Variants in TG observed in about 807,000 individuals in gnomAD.
TG encodes thyroid hormones.
A neutral mutation model predicts 324.7 loss-of-function variants in TG; 270 were observed. The ratio of observed to expected loss-of-function variants is 0.83; its 90% CI spans 0.75 to 0.92. The LOEUF (loss-of-function observed/expected upper bound fraction) is 0.92. TG is among the 40% of genes least tolerant of loss of function. The pLI is 0.00. For missense variants in TG, 3,591 were observed against 3,456.4 expected, an observed-to-expected ratio of 1.04 and a Z score of -0.98; for synonymous variants, 1,401 against 1,327.0, an observed-to-expected ratio of 1.06 and a Z score of -1.21.
chr8:133,102,525 C>T (rs534249604), intron 43 of TG: 33 of 1,550,904 alleles, frequency 2.1e-5, no homozygotes, highest in East Asian at 4.9e-5. Context: ...CCCAGGGGGT[C>T]CCAATGACAG....
At chr8:132,899,338 A>G (rs1022646014) in intron 14 of TG, among the ~76,000 whole-genome samples, 1 of 152,216 alleles carries the variant, frequency 6.6e-6, no homozygotes, top group Admixed American at 6.5e-5. Flanking sequence ...TGATTGTAAC[A>G]ATTCATAATT....
At chr8:133,094,242 CTTT>C (rs765931953) in intron 41 of TG, among the ~76,000 whole-genome samples, 42 of 126,534 alleles carry the variant, frequency 3.3e-4, no homozygotes, top group Admixed American at 5.6e-4. Context: ...CTGTCGTTTT[CTTT>C]TTTTTTTTTT....
chr8:132,919,913 C>T (rs1199404454), intron 21 of TG, among the ~76,000 whole-genome samples: 1 of 152,190 alleles, frequency 6.6e-6, no homozygotes, highest in African/African-American at 2.4e-5. Flanking sequence ...CTCCCAATAC[C>T]TCTTCCAATA....
intron 35 of TG, 28 bp from the exon 36 acceptor site, chr8:133,011,873 T>C: frequency 2.5e-6 from 4 of 1,614,116 alleles, no homozygotes; most frequent in Non-Finnish European, 2.5e-6. Context: ...GACAACTGCA[T>C]GTGACTGTCC....
At chr8:132,868,248 T>C in intron 2 of TG, 25 bp downstream of exon 2, 1 of 1,604,288 alleles carries the variant, frequency 6.2e-7, no homozygotes, top group Non-Finnish European at 8.5e-7. Context: ...AGCAGCGAAC[T>C]CTCAAGGTCC....
intron 35 of TG, chr8:132,983,841 G>A: frequency 3.3e-6 from 1 of 302,574 alleles, no homozygotes; most frequent in Admixed American, 4.8e-5. Flanking sequence ...CGGCCACACT[G>A]GGCAGCACTG....
chr8:133,122,356 A>G (rs1477688994), intron 45 of TG, among the ~76,000 whole-genome samples: 1 of 152,228 alleles, frequency 6.6e-6, no homozygotes, highest in African/African-American at 2.4e-5. Context: ...ATCATAGAAT[A>G]TAGAAGATGA....
At chr8:132,995,284 C>T (rs1033150710) in intron 35 of TG, 1 of 982,626 alleles carries the variant, frequency 1.0e-6, no homozygotes, top group African/African-American at 1.7e-5. Flanking sequence ...ACATGCTTAG[C>T]CTACTACCCA....
intron 35 of TG, among the ~76,000 whole-genome samples, chr8:133,005,834 G>A (rs1394864749): frequency 2.0e-5 from 3 of 152,118 alleles, no homozygotes; most frequent in Non-Finnish European, 2.9e-5. Flanking sequence ...GTGTGGTCTC[G>A]CACCACTAGG....
At chr8:133,077,941 C>T (rs1845159740) in intron 41 of TG, among the ~76,000 whole-genome samples, 1 of 151,998 alleles carries the variant, frequency 6.6e-6, no homozygotes, top group African/African-American at 2.4e-5. Flanking sequence ...CAAAAATTGC[C>T]CCCAGTTGAG....
intron 29 of TG, among the ~76,000 whole-genome samples, chr8:132,965,192 C>T (rs1006210576): frequency 7.9e-5 from 12 of 152,150 alleles, no homozygotes; most frequent in African/African-American, 2.4e-4. Context: ...CCTCTTGTGC[C>T]AGGCATGGTT....
chr8:132,976,423 G>GT (rs1224822491), intron 34 of TG, among the ~76,000 whole-genome samples: 1 of 152,198 alleles, frequency 6.6e-6, no homozygotes, highest in African/African-American at 2.4e-5. Flanking sequence ...TCTCATTACT[G>GT]TTGCAATGGC....
chr8:132,910,885 A>G (rs1819417987), intron 18 of TG, among the ~76,000 whole-genome samples: 1 of 152,188 alleles, frequency 6.6e-6, no homozygotes, highest in Non-Finnish European at 1.5e-5. Flanking sequence ...AACAGGCCTC[A>G]CAACCGTCTG....
Position 132,887,372 on chromosome 8 carries a change from C to T in TG, c.2000C>T (p.Ala667Val), listed in dbSNP as rs1156264365. The T allele has an allele frequency of 4.3e-6, 7 of 1,614,052 alleles. No homozygotes were observed. The highest frequency in any genetic ancestry group is 5.9e-6 in the Non-Finnish European group (7 of 1,180,004). ...RCPTDCEKQR[A>V]RMQSLMGSQP... ...CCCACAGACTGTGAAAAGCAAAGGG[C>T]TCGCATGCAAAGCCTCATGGGCAGC... Residue 667 changes from alanine to valine, a missense_variant, in exon 9 of 48, where the codon GCT (alanine) becomes GTT (valine). Physicochemically the swap from Ala to Val is moderately conservative, Grantham distance 64. Transcript: ENST00000220616.
Position 132,873,117 on chromosome 8 carries a change from G to T in TG, c.534G>T (p.Lys178Asn). 6.2e-7 allele frequency: 1 copy of T among 1,614,160 alleles called. No individual in the cohort carries two copies. Among genetic ancestry groups the T allele is most frequent in the Non-Finnish European group, 8.5e-7 (1 of 1,180,014 alleles). ...GTCTTCTCCACGGGGTGGGAGATAA[G>T]TCACCACCCCAGTGTTCTGCGGAGG... ...NRRLLHGVGD[K>N]SPPQCSAEGE... is the part of the protein sequence containing the mutation. The change falls in exon 5 of 48, where the codon AAG (lysine) becomes AAT (asparagine). Residue 178 changes from lysine (K) to asparagine (N), a missense_variant. Transcript: ENST00000220616.
chr8:133,066,313 G>A (rs1284206589), intron 41 of TG, among the ~76,000 whole-genome samples: 1 of 120,902 alleles, frequency 8.3e-6, no homozygotes, highest in Non-Finnish European at 1.6e-5. Context: ...GTGACAGAGC[G>A]AGACTCTGTC....
intron 27 of TG, among the ~76,000 whole-genome samples, chr8:132,955,607 C>T (rs1826748462): frequency 2.0e-5 from 3 of 152,138 alleles, no homozygotes; most frequent in African/African-American, 7.2e-5. Flanking sequence ...AAATATGTAC[C>T]TATTTCCAGC....
chr8:132,972,588 TCC>T lies in TG; in HGVS notation c.6056-9_6056-8del. The stretch of plus-strand genomic sequence containing the variant: ...ATTGTGGTTTTTTGTTTTTTTTTTT[TCC>T]ACCCCAGGAGGAGAGGTGACATGTC... On this transcript the variant is annotated splice_polypyrimidine_tract_variant and splice_region_variant and intron_variant, in intron 33 of 47. Coordinates refer to ENST00000220616, the MANE Select transcript of TG (RefSeq NM_003235.5). The T allele has an allele frequency of 1.9e-6, 3 of 1,609,016 alleles. No individual in the cohort carries two copies. The highest frequency in any genetic ancestry group is 2.5e-6 in the Non-Finnish European group (3 of 1,178,314).
rs183181550 is a variant in TG at position 132,934,232 on chromosome 8, G to A, written c.4932+556G>A. ...CACCTGTAATCCCAGCTACTGGGGA[G>A]GCTGAGGCAGGAGAATCGCTTGAAC... On this transcript the variant is annotated intron_variant, in intron 24 of 47. Transcript: ENST00000220616. Among the ~76,000 whole-genome samples, 621 of 152,182 alleles carry A rather than the reference G, an allele frequency of 4.1e-3. 4 individuals carry two copies. Among genetic ancestry groups the A allele is most frequent in the African/African-American group, 0.013 (532 of 41,520 alleles).
Sources: gnomAD v4.1 joint callset for allele counts (sites outside exome capture counted in the v4.1 genomes callset) on GRCh38, gnomAD v4.1.1 for gene constraint, MANE v1.5 for transcripts, NCBI Gene and HGNC (gene_info 2026-07-23, HGNC 2026-07-21) for gene names.